The following SRL variants were observed in gnomAD, a reference collection of about 807,000 sequenced individuals.
SRL encodes sarcalumenin.
Under a neutral mutation model 39.5 loss-of-function variants are expected in SRL, and 23 were observed. That is an observed-to-expected ratio of 0.58 (90% CI 0.42 to 0.82). SRL has a LOEUF of 0.82. SRL is among the 40% of genes least tolerant of loss of function. The probability of loss-of-function intolerance (pLI) is 0.00; values close to 1 mark genes in which losing one functional copy is unlikely to be tolerated. For missense variants in SRL, 592 were observed against 607.8 expected, an observed-to-expected ratio of 0.97 and a Z score of 0.27; for synonymous variants, 272 against 237.4, an observed-to-expected ratio of 1.15 and a Z score of -1.34.
chr16:4,221,715 T>C (rs1479992837), intron 1 of SRL, among the ~76,000 whole-genome samples: 2 of 152,168 alleles, frequency 1.3e-5, no homozygotes, highest in African/African-American at 4.8e-5. Context: ...ACAATGGAAA[T>C]GTGTTCACTC....
chr16:4,228,088 G>C (rs944967813), intron 1 of SRL, among the ~76,000 whole-genome samples: 5 of 152,244 alleles, frequency 3.3e-5, no homozygotes, highest in Non-Finnish European at 5.9e-5. Flanking sequence ...GCTGGTCTAA[G>C]GAGGGCAGCC....
intron 1 of SRL, among the ~76,000 whole-genome samples, chr16:4,219,557 C>G (rs8046884): frequency 0.54 from 82,802 of 152,028 alleles, 23,381 homozygotes; most frequent in Middle Eastern, 0.69. Context: ...AGTTTCAAGC[C>G]ACTGATTCTC....
chr16:4,241,194 A>T (rs2052768888), intron 1 of SRL, among the ~76,000 whole-genome samples: 1 of 152,090 alleles, frequency 6.6e-6, no homozygotes, highest in South Asian at 2.1e-4. Flanking sequence ...CACCTCCCTA[A>T]AAGCATTCCC....
intron 1 of SRL, 97 bp from the exon 2 acceptor site, chr16:4,204,731 G>A (rs1170393544): frequency 1.8e-5 from 17 of 963,496 alleles, no homozygotes; most frequent in Non-Finnish European, 1.6e-6. Flanking sequence ...CTCAAGCAGG[G>A]GCTCAACAGG....
At chr16:4,216,179 C>T (rs1281996792) in intron 1 of SRL, among the ~76,000 whole-genome samples, 1 of 152,126 alleles carries the variant, frequency 6.6e-6, no homozygotes, top group African/African-American at 2.4e-5. Flanking sequence ...ACCAGAAATC[C>T]CACAACCATC....
Position 4,197,872 on chromosome 16 carries a change from C to A in SRL, c.303G>T (p.Pro101=), listed in dbSNP as rs368659942. Residue 101 remains proline (P), a synonymous_variant, in exon 4 of 6, where the codon CCG becomes CCT. Coordinates refer to ENST00000399609, the MANE Select transcript of SRL (RefSeq NM_001098814.2). Reference sequence around the variant, plus strand: ...TCATGGTAGATTTACCAACACTCCACGGTCCCAGGAACAGTACCATGGGCT... The same window carrying A: ...TCATGGTAGATTTACCAACACTCCAAGGTCCCAGGAACAGTACCATGGGCT... ...TSKPMVLFLG[P]WSVGKSTMIN... The A allele has an allele frequency of 3.1e-6, 5 of 1,613,864 alleles. No individual in the cohort carries two copies. Among genetic ancestry groups the A allele is most frequent in the East Asian group, 4.5e-5 (2 of 44,896 alleles).
intron 4 of SRL, 111 bp from the exon 5 acceptor site, chr16:4,195,897 G>T: frequency 1.2e-6 from 1 of 863,916 alleles, no homozygotes; most frequent in Non-Finnish European, 1.8e-6. Context: ...AACAGAATTG[G>T]ATATGTTTGC....
At chr16:4,194,382 T>C (rs1449217034) in intron 5 of SRL, among the ~76,000 whole-genome samples, 1 of 152,136 alleles carries the variant, frequency 6.6e-6, no homozygotes, top group Non-Finnish European at 1.5e-5. Flanking sequence ...TTGCCTACTC[T>C]CATGTAAGTG....
At chr16:4,198,091 G>A (rs1490455524) in intron 3 of SRL, among the ~76,000 whole-genome samples, 176 bp from the exon 4 acceptor site, 3 of 152,230 alleles carry the variant, frequency 2.0e-5, no homozygotes, top group African/African-American at 7.2e-5. Context: ...TGATCACCCA[G>A]TAAAAAGACA....
rs769147461 is a variant in SRL at position 4,195,552 on chromosome 16, C to T, written c.610+1G>A. On this transcript the variant is annotated splice_donor_variant, in intron 5 of 5. Coordinates refer to ENST00000399609, the MANE Select transcript of SRL (RefSeq NM_001098814.2). LOFTEE classifies it high-confidence loss of function. ...CTGTTCAGAAATGAGGGCTAAATTACCTCTTTCTTGCTGCTTGCGGTTCTC... is the reference window on the plus strand; with the variant it reads ...CTGTTCAGAAATGAGGGCTAAATTATCTCTTTCTTGCTGCTTGCGGTTCTC... 2.5e-6 allele frequency: 4 copies of T among 1,613,892 alleles called. No individual in the cohort carries two copies. The South Asian group carries it at 4.4e-5, about 18-fold the overall frequency.
In SRL at chr16:4,192,218, C is replaced by G; in HGVS notation, c.1357G>C (p.Gly453Arg). The change falls in exon 6 of 6, where the codon GGT (glycine) becomes CGT (arginine). Residue 453 changes from glycine (G) to arginine (R), a missense_variant. Transcript: ENST00000399609. This position sits in a 1 kb window ranked among gnomAD's most constrained non-coding sequence, Gnocchi z 4.0. Reference protein sequence around the residue: ...LGSLGLGKNPGALNCDKTGCS... With the variant: ...LGSLGLGKNPRALNCDKTGCS... ...CCTGTTTTGTCACAGTTGAGAGCAC[C>G]TGGATTCTTCCCGAGCCCGAGGCTA... 5.0e-6 allele frequency: 8 copies of G among 1,605,852 alleles called. No homozygotes were observed. Among genetic ancestry groups the G allele is most frequent in the South Asian group, 1.1e-5 (1 of 89,584 alleles).
intron 1 of SRL, among the ~76,000 whole-genome samples, chr16:4,218,852 G>A (rs2052489996): frequency 6.6e-6 from 1 of 152,258 alleles, no homozygotes; most frequent in South Asian, 2.1e-4. Context: ...GCCTCTGGCA[G>A]AGCTAGGGCA....
intron 1 of SRL, 52 bp from the exon 2 acceptor site, chr16:4,204,686 G>A (rs764137766): frequency 3.2e-6 from 5 of 1,550,562 alleles, no homozygotes; most frequent in East Asian, 2.2e-5. Flanking sequence ...AGCCAGCTGA[G>A]CTCTGGGCCC....
intron 1 of SRL, among the ~76,000 whole-genome samples, chr16:4,211,860 CGACGATGGT>C (rs1567181704): frequency 6.6e-6 from 1 of 151,156 alleles, no homozygotes; most frequent in African/African-American, 2.4e-5. Flanking sequence ...ACGACGATGA[CGACGATGGT>C]GATGATGGTG....
At chr16:4,227,548 T>C (rs2052607333) in intron 1 of SRL, among the ~76,000 whole-genome samples, 2 of 151,728 alleles carry the variant, frequency 1.3e-5, no homozygotes, top group African/African-American at 4.8e-5. Flanking sequence ...AGATGATGGA[T>C]GGGTGGATGG....
At chr16:4,241,573 A>C (rs1199167499) in intron 1 of SRL, among the ~76,000 whole-genome samples, 1 of 152,100 alleles carries the variant, frequency 6.6e-6, no homozygotes, top group East Asian at 1.9e-4. Context: ...TGTCCACGCA[A>C]ACCCAGTTCT....
At chr16:4,230,336 T>C (rs1848933196) in intron 1 of SRL, among the ~76,000 whole-genome samples, 1 of 151,628 alleles carries the variant, frequency 6.6e-6, no homozygotes, top group Non-Finnish European at 1.5e-5. Flanking sequence ...CCCCCAAAAT[T>C]AGTGTATCTC....
At chr16:4,213,184 G>C (rs1241085130) in intron 1 of SRL, among the ~76,000 whole-genome samples, 1 of 152,058 alleles carries the variant, frequency 6.6e-6, no homozygotes, top group Non-Finnish European at 1.5e-5. Context: ...AGATCAAACA[G>C]CAGAGACAGC....
At chr16:4,205,086 G>GC (rs1567178288) in intron 1 of SRL, among the ~76,000 whole-genome samples, 3 of 152,048 alleles carry the variant, frequency 2.0e-5, no homozygotes, top group Non-Finnish European at 2.9e-5. Flanking sequence ...ACTTTAGGAG[G>GC]TCCAGATGGG....
Sources: allele counts gnomAD v4.1 joint callset (sites outside exome capture counted in the v4.1 genomes callset), GRCh38; gene constraint gnomAD v4.1.1; non-coding constraint Gnocchi (gnomAD v3.1); transcripts MANE v1.5; gene names NCBI Gene and HGNC (gene_info 2026-07-23, HGNC 2026-07-21).